The following RET variants were observed in gnomAD, a reference collection of about 807,000 sequenced individuals.
RET encodes proto-oncogene tyrosine-protein kinase receptor Ret.
A neutral mutation model predicts 118.3 loss-of-function variants in RET; 19 were observed. That is an observed-to-expected ratio of 0.16 (90% CI 0.11 to 0.24). The LOEUF (loss-of-function observed/expected upper bound fraction) is 0.24. RET is among the 10% of genes least tolerant of loss of function. The probability of loss-of-function intolerance (pLI) is 1.00; values close to 1 mark genes in which losing one functional copy is unlikely to be tolerated. For synonymous variants in RET, 597 were observed against 644.1 expected (o/e 0.93, Z 1.11); for missense variants, 1,219 against 1,502.1 (o/e 0.81, Z 3.12).
chr10:43,104,089 C>A (rs572685875), intron 3 of RET, among the ~76,000 whole-genome samples: 33 of 152,308 alleles, frequency 2.2e-4, no homozygotes, highest in African/African-American at 7.7e-4. Context: ...TCTCGACATC[C>A]GGCCTTCAGA....
intron 1 of RET, among the ~76,000 whole-genome samples, chr10:43,089,199 G>A (rs1169980818): frequency 1.3e-5 from 2 of 152,214 alleles, no homozygotes; most frequent in Non-Finnish European, 2.9e-5. Flanking sequence ...TTCCCCAGCC[G>A]GCTGACCTCA....
intron 14 of RET, 118 bp from the exon 15 acceptor site, chr10:43,119,963 G>A: frequency 6.7e-7 from 1 of 1,494,926 alleles, no homozygotes; most frequent in Non-Finnish European, 9.1e-7. Context: ...CCCCGGCCCA[G>A]GTCTCACCAG....
At chr10:43,104,105 A>G (rs1467399815) in intron 3 of RET, among the ~76,000 whole-genome samples, 1 of 152,204 alleles carries the variant, frequency 6.6e-6, no homozygotes, top group African/African-American at 2.4e-5. Context: ...TCAGAGGATG[A>G]CCAGCCTGGC....
intron 3 of RET, chr10:43,102,884 A>G: frequency 1.7e-6 from 1 of 574,956 alleles, no homozygotes; most frequent in Non-Finnish European, 3.1e-6. Context: ...AGAGCGTCTG[A>G]GCATGCCAAG....
rs745955777 is a variant in RET, at chr10:43,128,165, G to A, written c.3241G>A (p.Asp1081Asn). ...GAGTCCTGTACCACTCACGAGAGCT[G>A]ATGGCACTAACACTGGGTTTCCAAG... ...GESPVPLTRADGTNTGFPRYP... is the reference protein window; with the variant it reads ...GESPVPLTRANGTNTGFPRYP... Residue 1081 changes from aspartate (D) to asparagine (N), a missense_variant, in exon 20 of 20, where the codon GAT becomes AAT. Physicochemically the swap from Asp to Asn is conservative, Grantham distance 23. This residue lies in a region of RET where 174 missense variants were observed against 179.3 expected (regional missense o/e 0.97). Transcript: ENST00000355710. The A allele has an allele frequency of 8.1e-6, 13 of 1,614,110 alleles. No homozygotes were observed. Among genetic ancestry groups the A allele is most frequent in the Non-Finnish European group, 9.3e-6 (11 of 1,180,050 alleles).
At chr10:43,095,841 T>C (rs1252433142) in intron 1 of RET, among the ~76,000 whole-genome samples, 1 of 152,222 alleles carries the variant, frequency 6.6e-6, no homozygotes, top group Admixed American at 6.5e-5. Flanking sequence ...AAGTGTGCTG[T>C]GAGCAAGCAG....
intron 8 of RET, 79 bp downstream of exon 8, chr10:43,112,303 C>G: frequency 6.9e-7 from 1 of 1,450,234 alleles, no homozygotes; most frequent in Non-Finnish European, 9.1e-7. Flanking sequence ...CCCTGCCAGC[C>G]TGGGGTGGCT....
At chr10:43,126,821 C>A in intron 19 of RET, 99 bp downstream of exon 19, 1 of 1,537,254 alleles carries the variant, frequency 6.5e-7, no homozygotes, top group Non-Finnish European at 8.8e-7. Flanking sequence ...CTGGTCTGAA[C>A]AAAACCAAAG....
chr10:43,100,276 T>C (rs902571711), intron 1 of RET, among the ~76,000 whole-genome samples, 183 bp from the exon 2 acceptor site: 1 of 152,232 alleles, frequency 6.6e-6, no homozygotes, highest in Non-Finnish European at 1.5e-5. Context: ...TCTTTTTCTG[T>C]TTTAAAGCAG....
intron 3 of RET, chr10:43,102,944 A>G (rs1837674754): frequency 2.4e-6 from 1 of 425,490 alleles, no homozygotes; most frequent in Non-Finnish European, 4.4e-6. Flanking sequence ...AACTGGGAAG[A>G]GGGAAACGCT....
Position 43,124,896 on chromosome 10 carries a change from C to G in RET, c.2953C>G (p.Leu985Val). Residue 985 changes from leucine (L) to valine (V), a missense_variant, in exon 18 of 20, where the codon CTG becomes GTG. Physicochemically the swap from Leu to Val is conservative, Grantham distance 32. Coordinates refer to ENST00000355710, the MANE Select transcript of RET (RefSeq NM_020975.6). Reference protein sequence around the residue: ...NCSEEMYRLMLQCWKQEPDKR... With the variant: ...NCSEEMYRLMVQCWKQEPDKR... ...TCTTCCCACCAGGTACCGCCTGATGCTGCAATGCTGGAAGCAGGAGCCGGA... is the reference window on the plus strand; with the variant it reads ...TCTTCCCACCAGGTACCGCCTGATGGTGCAATGCTGGAAGCAGGAGCCGGA... The G allele has an allele frequency of 6.2e-7, 1 of 1,614,144 alleles. No homozygotes were observed. The highest frequency in any genetic ancestry group is 8.5e-7 in the Non-Finnish European group (1 of 1,180,056).
intron 7 of RET, 65 bp from the exon 8 acceptor site, chr10:43,112,034 T>C: frequency 1.3e-6 from 2 of 1,552,854 alleles, no homozygotes; most frequent in Non-Finnish European, 1.7e-6. Flanking sequence ...TCCCTGTCCT[T>C]GGGCACTAGC....
chr10:43,118,582 C>A, intron 13 of RET, 102 bp downstream of exon 13: 1 of 869,312 alleles, frequency 1.2e-6, no homozygotes, highest in East Asian at 2.6e-5. Flanking sequence ...CTGCTCCTGC[C>A]CTGTTTCCTG....
At chr10:43,109,255 T>G (rs751527552) in intron 6 of RET, 25 bp downstream of exon 6, 2 of 1,607,436 alleles carry the variant, frequency 1.2e-6, no homozygotes, top group Non-Finnish European at 1.7e-6. Flanking sequence ...ATTGCCTGTC[T>G]GGGGAAGATT....
chr10:43,079,302 A>C (rs1837125893), intron 1 of RET, among the ~76,000 whole-genome samples: 1 of 152,178 alleles, frequency 6.6e-6, no homozygotes, highest in African/African-American at 2.4e-5. Context: ...ACGTCCACAC[A>C]GGGACCCCAG....
intron 1 of RET, among the ~76,000 whole-genome samples, chr10:43,086,125 C>A (rs1463935363): frequency 1.3e-5 from 2 of 152,206 alleles, no homozygotes; most frequent in African/African-American, 4.8e-5. Flanking sequence ...AAGCCCAGGC[C>A]AGACTGCAGC....
At chr10:43,099,965 T>G (rs1837601286) in intron 1 of RET, among the ~76,000 whole-genome samples, 1 of 152,254 alleles carries the variant, frequency 6.6e-6, no homozygotes, top group Admixed American at 6.5e-5. Flanking sequence ...GAATCATCCT[T>G]CCATTTCCAA....
chr10:43,111,972 T>C (rs2132791835), intron 7 of RET, 127 bp from the exon 8 acceptor site: 1 of 1,347,378 alleles, frequency 7.4e-7, no homozygotes, highest in Non-Finnish European at 1.0e-6. Context: ...GCCCTGGGTC[T>C]GTCACTCCGG....
At chr10:43,104,926 G>A (rs1837726355) in intron 3 of RET, 26 bp from the exon 4 acceptor site, 1 of 1,548,998 alleles carries the variant, frequency 6.5e-7, no homozygotes, top group East Asian at 2.4e-5. Flanking sequence ...GTGATCACGC[G>A]GGGCCCCTGT....
Sources: allele counts gnomAD v4.1 joint callset (sites outside exome capture counted in the v4.1 genomes callset), GRCh38; gene constraint gnomAD v4.1.1; regional missense constraint gnomAD v4.1.1; transcripts MANE v1.5; gene names NCBI Gene and HGNC (gene_info 2026-07-23, HGNC 2026-07-21).